TMCC1: variants seen among roughly 807,000 people sequenced by gnomAD.
TMCC1 encodes transmembrane and coiled-coil domain family 1, also known as transmembrane and coiled-coil domains protein 1.
Under a neutral mutation model 52.4 loss-of-function variants are expected in TMCC1, and 15 were observed. That is an observed-to-expected ratio of 0.29 (90% confidence interval 0.19 to 0.44). TMCC1 has a LOEUF of 0.44. TMCC1 is among the 20% of genes least tolerant of loss of function. TMCC1 has a pLI of 1.00. For missense variants in TMCC1, 503 were observed against 806.0 expected, an observed-to-expected ratio of 0.62 and a Z score of 4.55; for synonymous variants, 279 against 301.9, an observed-to-expected ratio of 0.92 and a Z score of 0.79.
chr3:129,859,651 TACACACACACACACACAC>T (rs59213877), intron 2 of TMCC1, among the ~76,000 whole-genome samples: 73 of 148,692 alleles, frequency 4.9e-4, no homozygotes, highest in Non-Finnish European at 7.8e-4. Flanking sequence ...CACACACACA[TACACACACACACACACAC>T]ACACACACAC....
At chr3:129,692,858 T>C (rs2047124838) in intron 4 of TMCC1, among the ~76,000 whole-genome samples, 1 of 152,192 alleles carries the variant, frequency 6.6e-6, no homozygotes, top group Non-Finnish European at 1.5e-5. Context: ...TATTTATTTA[T>C]TTAAGATGGG....
At chr3:129,709,506 A>AGAGAGG (rs1374306812) in intron 4 of TMCC1, among the ~76,000 whole-genome samples, 1 of 142,808 alleles carries the variant, frequency 7.0e-6, no homozygotes, top group African/African-American at 2.6e-5. Flanking sequence ...AAAGAGAGAG[A>AGAGAGG]GAGAGAAACT....
chr3:129,835,666 C>G (rs2059127141), intron 2 of TMCC1, among the ~76,000 whole-genome samples: 1 of 151,976 alleles, frequency 6.6e-6, no homozygotes, highest in Non-Finnish European at 1.5e-5. Context: ...TTAAAAAATC[C>G]AAAGTGCAGA....
At chr3:129,660,413 A>G (rs2086946687) in intron 5 of TMCC1, among the ~76,000 whole-genome samples, 1 of 152,194 alleles carries the variant, frequency 6.6e-6, no homozygotes, top group Admixed American at 6.5e-5. Flanking sequence ...TTGGCCTCCC[A>G]AAGTGCTGGG....
At chr3:129,806,140 GC>G (rs2057450702) in intron 4 of TMCC1, among the ~76,000 whole-genome samples, 1 of 152,144 alleles carries the variant, frequency 6.6e-6, no homozygotes, top group Non-Finnish European at 1.5e-5. Flanking sequence ...CTGTATCGAA[GC>G]CCCTTGAAGT....
chr3:129,772,615 C>CAGGA (rs1287244131), intron 4 of TMCC1, among the ~76,000 whole-genome samples: 1 of 149,582 alleles, frequency 6.7e-6, no homozygotes, highest in Non-Finnish European at 1.5e-5. Flanking sequence ...CCCAGCTACT[C>CAGGA]AGGAGGCTGA....
chr3:129,797,025 C>T (rs1302315070), intron 4 of TMCC1, among the ~76,000 whole-genome samples: 1 of 151,946 alleles, frequency 6.6e-6, no homozygotes, highest in African/African-American at 2.4e-5. Context: ...AAAATTTTAC[C>T]TAAAAAATAA....
At chr3:129,845,800 A>T (rs1027839306) in intron 2 of TMCC1, among the ~76,000 whole-genome samples, 8 of 152,098 alleles carry the variant, frequency 5.3e-5, no homozygotes, top group Non-Finnish European at 1.2e-4. Flanking sequence ...ATTCCATCTA[A>T]TCTCACCCCC....
chr3:129,766,326 T>TTTCATTCATTCA (rs201966874), intron 4 of TMCC1, among the ~76,000 whole-genome samples: 14 of 152,114 alleles, frequency 9.2e-5, no homozygotes, highest in African/African-American at 3.4e-4. Context: ...TTTCTGAGCA[T>TTTCATTCATTCA]TTCATTCATT....
At chr3:129,872,149 T>C (rs1304612370) in intron 2 of TMCC1, among the ~76,000 whole-genome samples, 1 of 152,264 alleles carries the variant, frequency 6.6e-6, no homozygotes, top group African/African-American at 2.4e-5. Context: ...ACAGTTGTTA[T>C]TCCAACAGCC....
intron 4 of TMCC1, among the ~76,000 whole-genome samples, chr3:129,779,830 G>A (rs1413258801): frequency 2.6e-5 from 4 of 152,176 alleles, no homozygotes; most frequent in East Asian, 1.9e-4. Context: ...ACTATTTCTG[G>A]CTTCACTACT....
intron 4 of TMCC1, among the ~76,000 whole-genome samples, chr3:129,809,417 T>C (rs2057674622): frequency 6.6e-6 from 1 of 152,218 alleles, no homozygotes; most frequent in Non-Finnish European, 1.5e-5. Flanking sequence ...AATAATTCTC[T>C]GTAAGACTAA....
At chr3:129,663,481 G>A (rs1253064726) in intron 5 of TMCC1, among the ~76,000 whole-genome samples, 3 of 152,148 alleles carry the variant, frequency 2.0e-5, no homozygotes, top group Non-Finnish European at 4.4e-5. Context: ...GACTTGCGGT[G>A]GGAGTTTGAA....
intron 2 of TMCC1, among the ~76,000 whole-genome samples, chr3:129,857,967 A>C (rs1016939226): frequency 1.3e-5 from 2 of 152,192 alleles, no homozygotes; most frequent in Non-Finnish European, 2.9e-5. Context: ...ATGACCCTAA[A>C]TGGCATGCTG....
chr3:129,781,768 A>T (rs1277253676), intron 4 of TMCC1, among the ~76,000 whole-genome samples: 1 of 152,190 alleles, frequency 6.6e-6, no homozygotes, highest in South Asian at 2.1e-4. Flanking sequence ...CGTCATTTGG[A>T]TTAAGTTTTA....
chr3:129,672,697 T>C (rs2088059904), intron 4 of TMCC1, among the ~76,000 whole-genome samples: 1 of 152,164 alleles, frequency 6.6e-6, no homozygotes, highest in African/African-American at 2.4e-5. Flanking sequence ...AAATCCCCAG[T>C]ATAAGTGCCA....
chr3:129,677,850 T>G (rs2088592467), intron 4 of TMCC1, among the ~76,000 whole-genome samples: 2 of 152,196 alleles, frequency 1.3e-5, no homozygotes, highest in South Asian at 4.1e-4. Context: ...CACCACTAGC[T>G]CACACTTCCC....
At chr3:129,824,352 C>A (rs530153338) in intron 4 of TMCC1, among the ~76,000 whole-genome samples, 36 of 151,944 alleles carry the variant, frequency 2.4e-4, no homozygotes, top group Non-Finnish European at 3.7e-4. Flanking sequence ...AACCAACCAA[C>A]CAAACAAACA....
intron 4 of TMCC1, among the ~76,000 whole-genome samples, chr3:129,703,251 G>C (rs183418378): frequency 6.6e-6 from 1 of 152,138 alleles, no homozygotes; most frequent in Non-Finnish European, 1.5e-5. Context: ...AGAATAGGAA[G>C]GTGAAAACAG....
Sources: allele counts gnomAD v4.1 joint callset (sites outside exome capture counted in the v4.1 genomes callset), GRCh38; gene constraint gnomAD v4.1.1; transcripts MANE v1.5; gene names NCBI Gene and HGNC (gene_info 2026-07-23, HGNC 2026-07-21).